PRG4: variants seen among roughly 807,000 people sequenced by gnomAD.
The protein encoded by PRG4 is proteoglycan 4, also known as articular superficial zone protein.
In PRG4, 61 loss-of-function variants were observed where a neutral mutation model predicts 91.2. That is an observed-to-expected ratio of 0.67 (90% CI 0.54 to 0.83). The LOEUF is 0.83. Ranked by LOEUF, PRG4 falls within the 40% of genes least tolerant of loss-of-function variation. The pLI, the probability that PRG4 is intolerant of heterozygous loss-of-function variation, is 0.00. For synonymous variants in PRG4, 576 were observed against 614.2 expected (o/e 0.94, Z 0.92); for missense variants, 1,564 against 1,714.2 (o/e 0.91, Z 1.55).
Position 186,314,487 on chromosome 1 carries a change from A to G in PRG4, c.*709A>G. On this transcript the variant is annotated 3_prime_UTR_variant, in exon 13 of 13. Transcript: ENST00000445192. Reference sequence around the variant, plus strand: ...CTACATGAAGTTTACAGATTGGTAAATATCACCTGCTCAACATGTAATTAT... The same window carrying G: ...CTACATGAAGTTTACAGATTGGTAAGTATCACCTGCTCAACATGTAATTAT... The G allele has an allele frequency of 1.8e-6, 1 of 548,062 alleles. No homozygotes were observed. Among genetic ancestry groups the G allele is most frequent in the Non-Finnish European group, 3.1e-6 (1 of 325,102 alleles). The allele number at this position is 548,062 out of a possible 1,614,324, so 33.9% of individuals were successfully genotyped here.
chr1:186,314,005 C>T lies in PRG4; in HGVS notation c.*227C>T. On this transcript the variant is annotated 3_prime_UTR_variant, in exon 13 of 13. Coordinates refer to ENST00000445192, the MANE Select transcript of PRG4 (RefSeq NM_005807.6). Reference sequence around the variant, plus strand: ...ATTTCCTCTGTTTATTCCTCCTCTCCCTCCCATTGCATGGCTCACACCTGT... The same window carrying T: ...ATTTCCTCTGTTTATTCCTCCTCTCTCTCCCATTGCATGGCTCACACCTGT... 1.2e-6 allele frequency: 2 copies of T among 1,611,534 alleles called. No homozygotes were observed. The highest frequency in any genetic ancestry group is 1.7e-6 in the Non-Finnish European group (2 of 1,179,258).
chr1:186,306,655 T>C lies in PRG4; in HGVS notation c.936T>C (p.Ser312=). ...CTACTTCCGCTAAAGAGACACAAAG[T>C]ATAGAGAAAACATCTGCTAAAGATT... ...EKTTSAKETQ[S]IEKTSAKDLA... is the part of the protein sequence containing the mutation. Residue 312 remains serine, a synonymous_variant, in exon 7 of 13, where the codon AGT becomes AGC. Transcript: ENST00000445192. The C allele has an allele frequency of 1.2e-6, 2 of 1,613,634 alleles. No homozygotes were observed. Among genetic ancestry groups the C allele is most frequent in the Non-Finnish European group, 1.7e-6 (2 of 1,179,728 alleles).
chr1:186,301,467 C>G, intron 3 of PRG4, 125 bp from the exon 4 acceptor site: 1 of 1,388,760 alleles, frequency 7.2e-7, no homozygotes, highest in Non-Finnish European at 1.0e-6. Flanking sequence ...CTCCAAATTT[C>G]AAATAAAAGA....
At position 186,311,114 on chromosome 1, in the gene PRG4, C is replaced by T. The variant is rs2102035642; in HGVS notation, c.3580C>T (p.Pro1194Ser). ...TACTGAAGTTTGGGGTATTCCTTCC[C>T]CCATTGATACTGTTTTTACTAGGTG... ...RITEVWGIPS[P>S]IDTVFTRCNC... Residue 1194 changes from proline (P) to serine (S), a missense_variant, in exon 9 of 13, where the codon CCC becomes TCC. By Grantham distance (74) the Pro-to-Ser change is moderately conservative (BLOSUM62 -1). Coordinates refer to ENST00000445192, the MANE Select transcript of PRG4 (RefSeq NM_005807.6). 2 of 1,613,570 alleles carry T rather than the reference C, an allele frequency of 1.2e-6. No homozygotes were observed. The highest frequency in any genetic ancestry group is 1.3e-5 in the African/African-American group (1 of 75,022).
rs773378647 is a variant in PRG4, at chr1:186,306,841, A to G, written c.1122A>G (p.Ala374=). The G allele has an allele frequency of 7.5e-6, 12 of 1,607,678 alleles. No homozygotes were observed. The highest frequency in any genetic ancestry group is 8.5e-7 in the Non-Finnish European group (1 of 1,178,406). The part of the protein sequence containing the change: ...KEPTPTTIKS[A]PTTPKEPAPT... The stretch of plus-strand genomic sequence containing the variant: ...CCACACCTACCACCATCAAGTCTGC[A>G]CCCACCACCCCCAAGGAGCCTGCAC... Residue 374 remains alanine, a synonymous_variant, in exon 7 of 13, where the codon GCA becomes GCG. Coordinates refer to ENST00000445192, the MANE Select transcript of PRG4 (RefSeq NM_005807.6).
intron 2 of PRG4, among the ~76,000 whole-genome samples, chr1:186,298,927 A>G (rs368953884): frequency 1.3e-5 from 2 of 152,014 alleles, no homozygotes; most frequent in East Asian, 3.8e-4. Context: ...TGTATGCATT[A>G]TGCACTCATG....
chr1:186,303,552 C>T (rs2102015239), intron 4 of PRG4, among the ~76,000 whole-genome samples: 1 of 151,234 alleles, frequency 6.6e-6, no homozygotes, highest in East Asian at 2.0e-4. Flanking sequence ...ACACACCAAA[C>T]CATTAAGTTG....
rs778223377 is a variant in PRG4, at chr1:186,314,012, T to C, written c.*234T>C. On this transcript the variant is annotated 3_prime_UTR_variant, in exon 13 of 13. Transcript: ENST00000445192. ...CTGTTTATTCCTCCTCTCCCTCCCA[T>C]TGCATGGCTCACACCTGTAAAAGAA... The C allele has an allele frequency of 5.6e-6, 9 of 1,611,530 alleles. No individual in the cohort carries two copies. The highest frequency in any genetic ancestry group is 4.5e-5 in the East Asian group (2 of 44,746).
chr1:186,304,258 G>C lies in PRG4; in HGVS notation c.469+1G>C. 1 of 1,611,894 alleles carries C rather than the reference G, an allele frequency of 6.2e-7. No individual in the cohort carries two copies. Among genetic ancestry groups the C allele is most frequent in the Non-Finnish European group, 8.5e-7 (1 of 1,178,092 alleles). On this transcript the variant is annotated splice_donor_variant, in intron 5 of 12. Transcript: ENST00000445192. LOFTEE classifies it high-confidence loss of function. ...ATAGAATCAGAGGAAATAACAGAAG[G>C]TAGGAAGATGACAGATATAATCAAA...
At position 186,311,173 on chromosome 1, in the gene PRG4, AAC is replaced by A. The variant is rs532481115; in HGVS notation, c.3636+7_3636+8del. ...AAGGAAAAACTTTCTTCTTTAAGGT[AAC>A]ACAAATATCTTTGTGAGAGAAATTT... is the stretch of plus-strand genomic sequence containing the variant. On this transcript the variant is annotated splice_donor_5th_base_variant and intron_variant, in intron 9 of 12. Transcript: ENST00000445192. The A allele has an allele frequency of 5.8e-5, 94 of 1,607,724 alleles. 1 individual carries two copies. In the East Asian group the frequency reaches 2.0e-3, roughly 34 times the overall value.
In PRG4 at chr1:186,310,657, A is replaced by ATTTTTTTTTTT. The variant is rs746583527; in HGVS notation, c.3500-368_3500-367insTTTTTTTTTTT. Among the ~76,000 whole-genome samples, 96 of 135,886 alleles carry ATTTTTTTTTTT rather than the reference A, an allele frequency of 7.1e-4. 1 individual carries two copies. Among genetic ancestry groups the ATTTTTTTTTTT allele is most frequent in the African/African-American group, 2.6e-3 (88 of 34,196 alleles). 89.1% of individuals were successfully genotyped at this position (135,886 alleles called of 152,430 possible). A position where few individuals can be genotyped will look rare whatever the true frequency, so the allele number is the denominator to read the frequency against. On this transcript the variant is annotated intron_variant, in intron 8 of 12. Coordinates refer to ENST00000445192, the MANE Select transcript of PRG4 (RefSeq NM_005807.6). ...ACCACCATGCCTGGCTAATTTTTGT[A>ATTTTTTTTTTT]TTTTTTTTTGTATTTTTTTTTTTTT...
intron 9 of PRG4, 50 bp from the exon 10 acceptor site, chr1:186,311,390 A>G: frequency 1.3e-6 from 2 of 1,581,304 alleles, no homozygotes; most frequent in Middle Eastern, 1.7e-4. Flanking sequence ...AGGAGTTCCA[A>G]ATCTTTTTTC....
At chr1:186,302,125 A>G (rs2102013184) in intron 4 of PRG4, among the ~76,000 whole-genome samples, 1 of 152,324 alleles carries the variant, frequency 6.6e-6, no homozygotes, top group South Asian at 2.1e-4. Flanking sequence ...TTGAGTATAT[A>G]TTTAAGGACA....
intron 10 of PRG4, chr1:186,311,831 T>A (rs940960500): frequency 3.4e-6 from 2 of 587,734 alleles, no homozygotes; most frequent in Non-Finnish European, 5.9e-6. Flanking sequence ...GAATGTCATT[T>A]ACTTTCGCTT....
At position 186,308,840 on chromosome 1, in the gene PRG4, C is replaced by G. The variant is rs1656949485; in HGVS notation, c.3121C>G (p.Pro1041Ala). Residue 1041 changes from proline to alanine, a missense_variant, in exon 7 of 13, where the codon CCT becomes GCT. Physicochemically the swap from Pro to Ala is conservative, Grantham distance 27. Transcript: ENST00000445192. Reference protein sequence around the residue: ...PTSTKKPKTMPRVRKPKTTPT... With the variant: ...PTSTKKPKTMARVRKPKTTPT... ...TTCTACCAAAAAGCCAAAAACAATG[C>G]CTAGAGTGAGAAAACCAAAGACGAC... 6.2e-7 allele frequency: 1 copy of G among 1,613,644 alleles called. No homozygotes were observed. The highest frequency in any genetic ancestry group is 8.5e-7 in the Non-Finnish European group (1 of 1,179,928).
chr1:186,297,025 G>A (rs1159766249), intron 2 of PRG4, 74 bp downstream of exon 2: 4 of 1,304,076 alleles, frequency 3.1e-6, no homozygotes, highest in African/African-American at 1.5e-5. Context: ...TATAACAACG[G>A]AAATATATTT....
At position 186,308,720 on chromosome 1, in the gene PRG4, C is replaced by T; in HGVS notation, c.3001C>T (p.Pro1001Ser). ...TACTACCACTGAGATTATGAACAAA[C>T]CTGAAGAAACAGCTAAACCAAAAGA... ...TITTTEIMNK[P>S]EETAKPKDRA... Residue 1001 changes from proline to serine, a missense_variant, in exon 7 of 13, where the codon CCT (proline) becomes TCT (serine). By Grantham distance (74) the Pro-to-Ser change is moderately conservative. This residue lies in a region of PRG4 where 1,079 missense variants were observed against 1,162.2 expected (regional missense o/e 0.93). Transcript: ENST00000445192. The T allele has an allele frequency of 6.2e-7, 1 of 1,613,708 alleles. No individual in the cohort carries two copies.
intron 12 of PRG4, chr1:186,313,112 T>C (rs1657407379): frequency 1.8e-6 from 1 of 553,230 alleles, no homozygotes; most frequent in Non-Finnish European, 3.2e-6. Flanking sequence ...GAGATTACGA[T>C]AAAACATCCA....
At position 186,313,857 on chromosome 1, in the gene PRG4, G is replaced by T. The variant is rs1391427558; in HGVS notation, c.*79G>T. The T allele has an allele frequency of 6.8e-7, 1 of 1,470,884 alleles. No homozygotes were observed. Among genetic ancestry groups the T allele is most frequent in the Non-Finnish European group, 9.5e-7 (1 of 1,051,194 alleles). 91.1% of individuals were successfully genotyped at this position (1,470,884 alleles called of 1,614,324 possible). ...CACTGAAAAACATTTTATTAATAAA[G>T]AATATTGACATGAGTATACCAGTTT... is the stretch of plus-strand genomic sequence containing the variant. On this transcript the variant is annotated 3_prime_UTR_variant, in exon 13 of 13. Transcript: ENST00000445192.
Sources: allele counts gnomAD v4.1 joint callset (sites outside exome capture counted in the v4.1 genomes callset), GRCh38; gene constraint gnomAD v4.1.1; regional missense constraint gnomAD v4.1.1; transcripts MANE v1.5; gene names NCBI Gene and HGNC (gene_info 2026-07-23, HGNC 2026-07-21).